The following TDRD9 variants were observed in gnomAD, a reference collection of about 807,000 sequenced individuals.
The protein encoded by TDRD9 is ATP-dependent RNA helicase TDRD9.
Under a neutral mutation model 172.6 loss-of-function variants are expected in TDRD9, and 124 were observed. That is an observed-to-expected ratio of 0.72 (90% CI 0.62 to 0.83). TDRD9 has a LOEUF of 0.83. Ranked by LOEUF, TDRD9 falls within the 40% of genes least tolerant of loss-of-function variation. The pLI, the probability that TDRD9 is intolerant of heterozygous loss-of-function variation, is 0.00. For synonymous variants in TDRD9, 619 were observed against 617.1 expected, an observed-to-expected ratio of 1.00 and a Z score of -0.05; for missense variants, 1,479 against 1,714.1, an observed-to-expected ratio of 0.86 and a Z score of 2.42.
chr14:103,987,021 G>C (rs2033686083), intron 8 of TDRD9, among the ~76,000 whole-genome samples: 1 of 152,162 alleles, frequency 6.6e-6, no homozygotes, highest in South Asian at 2.1e-4. Context: ...GGCTGAGGCA[G>C]AGGAATCGCT....
At chr14:103,979,033 C>G (rs906366869) in intron 7 of TDRD9, among the ~76,000 whole-genome samples, 1 of 152,194 alleles carries the variant, frequency 6.6e-6, no homozygotes, top group Non-Finnish European at 1.5e-5. Flanking sequence ...TAACAAATCT[C>G]CCTATTGCCT....
At chr14:104,041,978 A>G in intron 33 of TDRD9, 91 bp from the exon 34 acceptor site, 1 of 883,128 alleles carries the variant, frequency 1.1e-6, no homozygotes, top group Non-Finnish European at 1.8e-6. Context: ...ATGACAGAGA[A>G]TACTAACTCT....
intron 33 of TDRD9, 87 bp from the exon 34 acceptor site, chr14:104,041,982 T>C: frequency 1.1e-6 from 1 of 907,976 alleles, no homozygotes; most frequent in Non-Finnish European, 1.8e-6. Flanking sequence ...CAGAGAATAC[T>C]AACTCTGAAT....
chr14:103,951,499 A>G (rs1322186695), intron 1 of TDRD9, among the ~76,000 whole-genome samples: 1 of 152,260 alleles, frequency 6.6e-6, no homozygotes, highest in Non-Finnish European at 1.5e-5. Flanking sequence ...CATTGTACAT[A>G]GAAAGGATAT....
At chr14:104,028,912 C>T (rs1362259704) in intron 28 of TDRD9, among the ~76,000 whole-genome samples, 1 of 152,150 alleles carries the variant, frequency 6.6e-6, no homozygotes, top group Non-Finnish European at 1.5e-5. Flanking sequence ...GTCCAGTTTT[C>T]CCAGCACCAT....
In TDRD9 at chr14:104,008,424, T is replaced by C. The variant is rs376373287; in HGVS notation, c.2064T>C (p.Asn688=). ...TTATATATTTAAAGGATGAACTTAATTGGGGACGGTTAAATTACATTCAAA... is the reference window on the plus strand; with the variant it reads ...TTATATATTTAAAGGATGAACTTAACTGGGGACGGTTAAATTACATTCAAA... ...GELRYPKDEL[N]WGRLNYIQIK... Residue 688 remains asparagine (N), a synonymous_variant, in exon 20 of 36, where the codon AAT becomes AAC. Transcript: ENST00000409874. 1 of 1,552,942 alleles carries C rather than the reference T, an allele frequency of 6.4e-7. No homozygotes were observed. Among genetic ancestry groups the C allele is most frequent in the Non-Finnish European group, 8.9e-7 (1 of 1,125,828 alleles).
intron 2 of TDRD9, among the ~76,000 whole-genome samples, chr14:103,959,837 T>G (rs1046169964): frequency 1.3e-5 from 2 of 152,182 alleles, no homozygotes; most frequent in Non-Finnish European, 2.9e-5. Context: ...TTCCTTACAG[T>G]GTGAGCCTAG....
intron 33 of TDRD9, among the ~76,000 whole-genome samples, chr14:104,041,161 C>T (rs1465963212): frequency 5.3e-5 from 8 of 152,142 alleles, no homozygotes; most frequent in Admixed American, 1.3e-4. Context: ...GGGCAGGTAT[C>T]AGTGTTGTCT....
At chr14:103,939,369 A>G (rs940874056) in intron 1 of TDRD9, among the ~76,000 whole-genome samples, 11 of 152,142 alleles carry the variant, frequency 7.2e-5, no homozygotes, top group African/African-American at 1.4e-4. Context: ...CACGTTTGCT[A>G]CTTACTGTAT....
At chr14:104,051,635 A>G (rs555139500) in intron 35 of TDRD9, among the ~76,000 whole-genome samples, 3 of 152,204 alleles carry the variant, frequency 2.0e-5, no homozygotes, top group Admixed American at 2.0e-4. Context: ...TGACTTTTTA[A>G]TAATAGCTAT....
chr14:104,043,280 C>A (rs889388060), intron 34 of TDRD9, among the ~76,000 whole-genome samples: 43 of 149,962 alleles, frequency 2.9e-4, no homozygotes, highest in Non-Finnish European at 7.4e-5. Flanking sequence ...CTTGCTCTGT[C>A]ACCCAGGCTG....
chr14:103,961,185 T>A (rs986113904), intron 2 of TDRD9, among the ~76,000 whole-genome samples: 1 of 152,152 alleles, frequency 6.6e-6, no homozygotes, highest in African/African-American at 2.4e-5. Context: ...GTAATTACCA[T>A]AGCACTGAGA....
At chr14:104,043,553 A>G (rs1223968117) in intron 34 of TDRD9, among the ~76,000 whole-genome samples, 1 of 152,086 alleles carries the variant, frequency 6.6e-6, no homozygotes, top group Non-Finnish European at 1.5e-5. Flanking sequence ...ATTTTTATGT[A>G]AAATGTGGGT....
intron 24 of TDRD9, 125 bp from the exon 25 acceptor site, chr14:104,024,444 T>A: frequency 1.8e-6 from 1 of 555,060 alleles, no homozygotes; most frequent in Non-Finnish European, 3.1e-6. Context: ...CTGGCTTAGG[T>A]ATTTTATTGA....
intron 1 of TDRD9, 62 bp from the exon 2 acceptor site, chr14:103,955,602 T>G: frequency 7.7e-7 from 1 of 1,295,608 alleles, no homozygotes; most frequent in Non-Finnish European, 1.1e-6. Context: ...AAAACTTGTC[T>G]AGTACACAAG....
chr14:103,964,759 G>A (rs1328790214), intron 3 of TDRD9, among the ~76,000 whole-genome samples: 1 of 152,134 alleles, frequency 6.6e-6, no homozygotes, highest in Admixed American at 6.5e-5. Context: ...TCTTGACCTC[G>A]TGATCCGCCC....
intron 12 of TDRD9, among the ~76,000 whole-genome samples, chr14:103,996,748 G>A (rs1249145516): frequency 6.6e-6 from 1 of 152,174 alleles, no homozygotes; most frequent in Non-Finnish European, 1.5e-5. Context: ...TTCGGGGTGG[G>A]TAGATAAGTA....
chr14:104,031,471 T>TTG (rs1167425273), intron 29 of TDRD9, among the ~76,000 whole-genome samples: 1 of 147,074 alleles, frequency 6.8e-6, no homozygotes, highest in Non-Finnish European at 1.5e-5. Context: ...TTGACTAGTT[T>TTG]TTTTTTTTTT....
rs1219541858 is a variant in TDRD9, at chr14:104,032,073, A to G, written c.3495A>G (p.Arg1165=). ...AACTAAAGTGCCATAGTTTGACCAG[A>G]ATATCCAAATTCAGGTATGATTAAC... is the stretch of plus-strand genomic sequence containing the variant. ...PYELKCHSLT[R]ISKFRCVWIE... The change falls in exon 30 of 36, where the codon AGA becomes AGG. Residue 1165 remains arginine (R), a synonymous_variant. Transcript: ENST00000409874. 1 of 1,546,050 alleles carries G rather than the reference A, an allele frequency of 6.5e-7. No homozygotes were observed. The highest frequency in any genetic ancestry group is 1.4e-5 in the African/African-American group (1 of 72,802).
Sources: allele counts gnomAD v4.1 joint callset (sites outside exome capture counted in the v4.1 genomes callset), GRCh38; gene constraint gnomAD v4.1.1; transcripts MANE v1.5; gene names NCBI Gene and HGNC (gene_info 2026-07-23, HGNC 2026-07-21).